Variants in CAMK1D observed in about 807,000 individuals in gnomAD.
CAMK1D encodes calcium/calmodulin-dependent protein kinase type 1D.
In CAMK1D, 9 loss-of-function variants were observed where a neutral mutation model predicts 47.7. The ratio of observed to expected loss-of-function variants is 0.19; its 90% CI spans 0.11 to 0.33. The LOEUF (loss-of-function observed/expected upper bound fraction) is 0.33, where lower values mean the gene tolerates loss of function less well. Among genes scored for constraint, CAMK1D ranks in the 10% least tolerant of loss-of-function variants. The pLI is 1.00. For missense variants in CAMK1D, 291 were observed against 488.7 expected (o/e 0.60, Z 3.81); for synonymous variants, 184 against 184.9 (o/e 0.99, Z 0.04).
intron 6 of CAMK1D, among the ~76,000 whole-genome samples, chr10:12,797,960 G>A (rs4750265): frequency 0.06 from 9,177 of 152,190 alleles, 706 homozygotes; most frequent in East Asian, 0.39. Context: ...CACAAGCAGA[G>A]CAGTTGAGGG....
chr10:12,735,649 C>T (rs1428642406), intron 3 of CAMK1D, among the ~76,000 whole-genome samples: 4 of 152,150 alleles, frequency 2.6e-5, no homozygotes, highest in African/African-American at 4.8e-5. Flanking sequence ...AGGTACCAAC[C>T]GTCTCTCTGT....
intron 1 of CAMK1D, among the ~76,000 whole-genome samples, chr10:12,530,913 C>T (rs528126213): frequency 9.2e-5 from 14 of 151,988 alleles, no homozygotes; most frequent in East Asian, 5.8e-4. Context: ...AAAAATTAGC[C>T]GAGTGTGATG....
intron 5 of CAMK1D, among the ~76,000 whole-genome samples, chr10:12,772,598 A>G (rs990362020): frequency 2.0e-5 from 3 of 152,212 alleles, no homozygotes; most frequent in African/African-American, 7.2e-5. Context: ...AGTGGCTGCC[A>G]TCTGCGGGGT....
chr10:12,391,933 C>T (rs1838746534), intron 1 of CAMK1D, among the ~76,000 whole-genome samples: 1 of 151,726 alleles, frequency 6.6e-6, no homozygotes, highest in African/African-American at 2.4e-5. Context: ...GGTAATTGCA[C>T]CACTGCACTC....
chr10:12,554,975 C>G (rs1190062084), intron 2 of CAMK1D, among the ~76,000 whole-genome samples: 43 of 152,270 alleles, frequency 2.8e-4, no homozygotes, highest in Non-Finnish European at 5.9e-5. Flanking sequence ...GGGAACAAGC[C>G]CTTGTATGGT....
At chr10:12,580,338 C>CT (rs5783277) in intron 2 of CAMK1D, among the ~76,000 whole-genome samples, 29,641 of 120,526 alleles carry the variant, frequency 0.25, 3,830 homozygotes, top group South Asian at 0.3. Context: ...CCCTTCCTTC[C>CT]TTTTTTTTTT....
chr10:12,796,316 G>A (rs746770331), intron 6 of CAMK1D, among the ~76,000 whole-genome samples: 21 of 152,158 alleles, frequency 1.4e-4, no homozygotes, highest in Admixed American at 5.9e-4. Context: ...CTGCCTAGAA[G>A]AAACTCTAGG....
intron 2 of CAMK1D, among the ~76,000 whole-genome samples, chr10:12,558,513 C>T (rs761899395): frequency 2.6e-5 from 4 of 151,598 alleles, no homozygotes; most frequent in South Asian, 2.1e-4. Context: ...GAGATCGTGC[C>T]GTTGCACTCC....
intron 1 of CAMK1D, among the ~76,000 whole-genome samples, chr10:12,451,091 GA>G (rs1168135812): frequency 4.6e-5 from 7 of 152,194 alleles, no homozygotes; most frequent in Non-Finnish European, 8.8e-5. Context: ...AACCAATTGA[GA>G]AGTAGGGCTG....
intron 3 of CAMK1D, among the ~76,000 whole-genome samples, chr10:12,689,935 G>A (rs1430741699): frequency 1.3e-5 from 2 of 152,138 alleles, no homozygotes; most frequent in Non-Finnish European, 2.9e-5. Context: ...TGATTGAAAG[G>A]TTTATACAAA....
intron 3 of CAMK1D, among the ~76,000 whole-genome samples, chr10:12,758,094 G>A (rs1463202633): frequency 5.9e-5 from 9 of 151,836 alleles, no homozygotes; most frequent in African/African-American, 1.5e-4. Context: ...CAGGTGATCC[G>A]CCTCCTTGGC....
intron 2 of CAMK1D, among the ~76,000 whole-genome samples, chr10:12,610,558 G>T (rs1006515527): frequency 1.3e-5 from 2 of 152,192 alleles, no homozygotes; most frequent in African/African-American, 4.8e-5. Flanking sequence ...GAACAGAAGG[G>T]TTTGAGCATA....
intron 3 of CAMK1D, among the ~76,000 whole-genome samples, chr10:12,668,410 A>G (rs542314031): frequency 2.8e-4 from 43 of 152,350 alleles, no homozygotes; most frequent in African/African-American, 9.6e-4. Flanking sequence ...TTTTGTGTTT[A>G]TGGGACTATA....
At chr10:12,644,932 T>A (rs74730277) in intron 2 of CAMK1D, among the ~76,000 whole-genome samples, 1,622 of 152,162 alleles carry the variant, frequency 0.011, 15 homozygotes, top group Non-Finnish European at 0.017. Context: ...AATAGATGAC[T>A]AATATACAGA....
intron 1 of CAMK1D, among the ~76,000 whole-genome samples, chr10:12,507,800 C>A (rs1328020536): frequency 1.3e-5 from 2 of 152,176 alleles, no homozygotes; most frequent in African/African-American, 4.8e-5. Flanking sequence ...TTGCATAATG[C>A]ATTTGTCTTT....
At chr10:12,603,676 T>A (rs1252019629) in intron 2 of CAMK1D, among the ~76,000 whole-genome samples, 6 of 152,154 alleles carry the variant, frequency 3.9e-5, no homozygotes. Flanking sequence ...CATTCTCCCC[T>A]CTTTCCCGCT....
At chr10:12,546,787 A>G (rs1836387062) in intron 1 of CAMK1D, among the ~76,000 whole-genome samples, 1 of 144,432 alleles carries the variant, frequency 6.9e-6, no homozygotes. Context: ...AGGAAGGGGA[A>G]CATCACACAC....
intron 3 of CAMK1D, among the ~76,000 whole-genome samples, chr10:12,689,956 C>G (rs1832810698): frequency 6.6e-6 from 1 of 152,144 alleles, no homozygotes; most frequent in South Asian, 2.1e-4. Flanking sequence ...GTAAACAAGA[C>G]ATTAACATAC....
At chr10:12,605,590 C>T (rs960381498) in intron 2 of CAMK1D, among the ~76,000 whole-genome samples, 1 of 152,092 alleles carries the variant, frequency 6.6e-6, no homozygotes, top group Non-Finnish European at 1.5e-5. Context: ...AGAACTTCTG[C>T]AGTACAGTTT....
Sources: allele counts gnomAD v4.1 joint callset (sites outside exome capture counted in the v4.1 genomes callset), GRCh38; gene constraint gnomAD v4.1.1; transcripts MANE v1.5; gene names NCBI Gene and HGNC (gene_info 2026-07-23, HGNC 2026-07-21).